Variants in ARG2 observed in about 807,000 individuals in gnomAD.
The protein encoded by ARG2 is arginase 2.
A neutral mutation model predicts 39.4 loss-of-function variants in ARG2; 21 were observed. The ratio of observed to expected loss-of-function variants is 0.53; its 90% confidence interval spans 0.38 to 0.77. ARG2 has a LOEUF of 0.77. ARG2 is among the 30% of genes least tolerant of loss of function. The pLI is 0.00. For missense variants in ARG2, 378 were observed against 426.2 expected, an observed-to-expected ratio of 0.89 and a Z score of 1.00; for synonymous variants, 150 against 156.7, an observed-to-expected ratio of 0.96 and a Z score of 0.32.
intron 3 of ARG2, among the ~76,000 whole-genome samples, chr14:67,643,252 T>C (rs988470153): frequency 2.0e-5 from 3 of 152,240 alleles, no homozygotes; most frequent in African/African-American, 7.2e-5. Flanking sequence ...AAATTTGTGA[T>C]ATATTAAGGC....
At chr14:67,649,440 A>G (rs896194597) in intron 7 of ARG2, 4 of 152,156 alleles carry the variant, frequency 2.6e-5, no homozygotes, top group African/African-American at 9.7e-5. Context: ...CACTGTTATA[A>G]TGCTGTCAAC....
chr14:67,643,842 T>C (rs1470833218), intron 3 of ARG2, among the ~76,000 whole-genome samples: 3 of 104,990 alleles, frequency 2.9e-5, no homozygotes, highest in African/African-American at 7.6e-5. Context: ...GGTAGATTCC[T>C]CCTTGGGAGT....
At chr14:67,623,028 T>C (rs1261393923) in intron 2 of ARG2, among the ~76,000 whole-genome samples, 3 of 152,234 alleles carry the variant, frequency 2.0e-5, no homozygotes, top group African/African-American at 7.2e-5. Flanking sequence ...CCTAAAGTGA[T>C]GGTGAGGCTT....
rs1239359348 is a variant in ARG2 at position 67,646,804 on chromosome 14, T to G, written c.617+66T>G. 5 of 1,472,252 alleles carry G rather than the reference T, an allele frequency of 3.4e-6. No individual in the cohort carries two copies. The Admixed American group carries it at 8.5e-5, about 25-fold the overall frequency. The allele number at this position is 1,472,252 out of a possible 1,614,324, so 91.2% of individuals were successfully genotyped here. A position where few individuals can be genotyped will look rare whatever the true frequency, so the allele number is the denominator to read the frequency against. Reference sequence around the variant, plus strand: ...GCCAATTATGTTCTATTTGAAAGGCTGATGCTTAACTTGGTCTATTGCAGG... The same window carrying G: ...GCCAATTATGTTCTATTTGAAAGGCGGATGCTTAACTTGGTCTATTGCAGG... On this transcript the variant is annotated intron_variant, in intron 5 of 7. Transcript: ENST00000261783.
At position 67,650,711 on chromosome 14, in the gene ARG2, CCAGGGTTGCTATCAGCA is replaced by C. The variant is rs1383317245; in HGVS notation, c.860-2_874del. ...TGAGGTTTTGTCACACTTTGTTCTT[CCAGGGTTGCTATCAGCA>C]CTGGATCTTGTTGAAGTCAATCCTC... On this transcript the variant is annotated splice_acceptor_variant and splice_polypyrimidine_tract_variant and coding_sequence_variant and intron_variant, in exon 8 of 8. Transcript: ENST00000261783. LOFTEE classifies it high-confidence loss of function. The C allele has an allele frequency of 6.2e-7, 1 of 1,613,474 alleles. No individual in the cohort carries two copies. Among genetic ancestry groups the C allele is most frequent in the South Asian group, 1.1e-5 (1 of 91,068 alleles).
chr14:67,638,694 C>T (rs2036998147), intron 2 of ARG2, among the ~76,000 whole-genome samples: 1 of 152,194 alleles, frequency 6.6e-6, no homozygotes. Context: ...AGGTAGGCCA[C>T]TCAGGCAGGG....
At chr14:67,622,901 AGCTTCTCTTACTCAT>A (rs1274663564) in intron 2 of ARG2, among the ~76,000 whole-genome samples, 1 of 152,196 alleles carries the variant, frequency 6.6e-6, no homozygotes, top group Non-Finnish European at 1.5e-5. Flanking sequence ...CATTTGTAGC[AGCTTCTCTTACTCAT>A]GCTTTGTAGA....
chr14:67,651,635 G>T lies in ARG2; in HGVS notation c.*715G>T. The T allele has an allele frequency of 4.0e-6, 3 of 754,274 alleles. No individual in the cohort carries two copies. Among genetic ancestry groups the T allele is most frequent in the Non-Finnish European group, 6.2e-6 (3 of 487,356 alleles). 46.7% of individuals were successfully genotyped at this position (754,274 alleles called of 1,614,324 possible). A position where few individuals can be genotyped will look rare whatever the true frequency, so the allele number is the denominator to read the frequency against. ...CAGGAAGTACTCATAAGGTTCTTTAGCTGTCACTTAGGGATAACACTGTCT... is the reference window on the plus strand; with the variant it reads ...CAGGAAGTACTCATAAGGTTCTTTATCTGTCACTTAGGGATAACACTGTCT... On this transcript the variant is annotated 3_prime_UTR_variant, in exon 8 of 8. Transcript: ENST00000261783.
intron 3 of ARG2, among the ~76,000 whole-genome samples, chr14:67,642,788 A>ATTTT (rs1169208904): frequency 2.4e-4 from 8 of 33,718 alleles, no homozygotes; most frequent in East Asian, 2.6e-3. Context: ...ATGTTACTAC[A>ATTTT]TTTTCTTTTT....
chr14:67,637,290 A>G (rs1055647735), intron 2 of ARG2, among the ~76,000 whole-genome samples: 10 of 151,660 alleles, frequency 6.6e-5, no homozygotes, highest in African/African-American at 2.4e-4. Context: ...CATGCCTGTA[A>G]TCCCAGCTAC....
rs541150892 is a variant in ARG2 at position 67,635,777 on chromosome 14, G to A, written c.185-6409G>A. On this transcript the variant is annotated intron_variant, in intron 2 of 7. Coordinates refer to ENST00000261783, the MANE Select transcript of ARG2 (RefSeq NM_001172.4). ...CTGAGGCAGGAGAATTGCTTGATCCGGTGGGTGGAGGTTGCAGTGAGCCAA... is the reference window on the plus strand; with the variant it reads ...CTGAGGCAGGAGAATTGCTTGATCCAGTGGGTGGAGGTTGCAGTGAGCCAA... 1.6e-4 allele frequency among the ~76,000 whole-genome samples: 24 copies of A among 152,242 alleles called. No individual in the cohort carries two copies. In the South Asian group the frequency reaches 1.7e-3, roughly 11 times the overall value.
intron 2 of ARG2, among the ~76,000 whole-genome samples, chr14:67,633,438 T>A (rs990335710): frequency 6.6e-6 from 1 of 152,214 alleles, no homozygotes; most frequent in African/African-American, 2.4e-5. Context: ...TGCCTAGAAT[T>A]ATCCATTAAC....
rs144324015 is a variant in ARG2, at chr14:67,649,419, T to C, written c.859+1236T>C. On this transcript the variant is annotated intron_variant, in intron 7 of 7. Transcript: ENST00000261783. ...AGGTTGAGGCTGCAGTGAGCCATGA[T>C]TGTGCCACTGCACTGTTATAATGCT... 13 of 152,290 alleles carry C rather than the reference T, an allele frequency of 8.5e-5. No homozygotes were observed. The East Asian group carries it at 1.5e-3, about 18-fold the overall frequency. 9.4% of individuals were successfully genotyped at this position (152,290 alleles called of 1,614,324 possible).
intron 2 of ARG2, among the ~76,000 whole-genome samples, chr14:67,624,330 C>A (rs1314096183): frequency 6.6e-6 from 1 of 152,050 alleles, no homozygotes; most frequent in East Asian, 1.9e-4. Flanking sequence ...GGCATAGGAC[C>A]TCCAAAAAAG....
intron 2 of ARG2, among the ~76,000 whole-genome samples, chr14:67,624,389 T>C (rs567034502): frequency 2.6e-5 from 4 of 152,180 alleles, no homozygotes; most frequent in Non-Finnish European, 5.9e-5. Flanking sequence ...AAGACATACC[T>C]GAGACTGGGT....
chr14:67,623,182 T>A (rs2140707629), intron 2 of ARG2, among the ~76,000 whole-genome samples: 1 of 152,344 alleles, frequency 6.6e-6, no homozygotes, highest in African/African-American at 2.4e-5. Context: ...AAACTGTGGC[T>A]CTCAGCAGAT....
chr14:67,647,944 A>G (rs1465322770), intron 6 of ARG2, 103 bp from the exon 7 acceptor site: 1 of 1,136,456 alleles, frequency 8.8e-7, no homozygotes, highest in East Asian at 2.6e-5. Context: ...TACTAGGACT[A>G]ATAGCAACAA....
intron 2 of ARG2, among the ~76,000 whole-genome samples, chr14:67,626,577 A>G (rs796119759): frequency 1.6e-4 from 24 of 152,144 alleles, no homozygotes; most frequent in African/African-American, 5.5e-4. Flanking sequence ...CAGTGGTGCA[A>G]TCTCGGCCTC....
At chr14:67,643,254 T>C (rs937975464) in intron 3 of ARG2, among the ~76,000 whole-genome samples, 29 of 152,224 alleles carry the variant, frequency 1.9e-4, no homozygotes, top group African/African-American at 6.8e-4. Context: ...ATTTGTGATA[T>C]ATTAAGGCCT....
Sources: allele counts gnomAD v4.1 joint callset (sites outside exome capture counted in the v4.1 genomes callset), GRCh38; gene constraint gnomAD v4.1.1; transcripts MANE v1.5; gene names NCBI Gene and HGNC (gene_info 2026-07-23, HGNC 2026-07-21).